The following ARVCF variants were observed in gnomAD, a reference collection of about 807,000 sequenced individuals.
ARVCF encodes the protein splicing regulator ARVCF.
Under a neutral mutation model 90.9 loss-of-function variants are expected in ARVCF, and 66 were observed. The ratio of observed to expected loss-of-function variants is 0.73; its 90% CI spans 0.60 to 0.89. The LOEUF (loss-of-function observed/expected upper bound fraction) is 0.89, where lower values mean the gene tolerates loss of function less well. ARVCF is among the 40% of genes least tolerant of loss of function. The probability of loss-of-function intolerance (pLI) is 0.00; values close to 1 mark genes in which losing one functional copy is unlikely to be tolerated. For missense variants in ARVCF, 1,469 were observed against 1,382.3 expected, an observed-to-expected ratio of 1.06 and a Z score of -1.00; for synonymous variants, 653 against 603.4, an observed-to-expected ratio of 1.08 and a Z score of -1.21.
intron 6 of ARVCF, 93 bp from the exon 7 acceptor site, chr22:19,979,173 C>T: frequency 2.2e-6 from 3 of 1,343,482 alleles, no homozygotes; most frequent in Non-Finnish European, 2.1e-6. Flanking sequence ...CCACTCTCCT[C>T]ATGTCCCAGC....
At chr22:20,012,010 T>C (rs954602181) in intron 1 of ARVCF, among the ~76,000 whole-genome samples, 3 of 151,656 alleles carry the variant, frequency 2.0e-5, no homozygotes, top group African/African-American at 7.3e-5. Flanking sequence ...ATGGAGAAAC[T>C]GGGTCCCAGC....
At chr22:19,969,362 T>A (rs35478083), downstream of ARVCF, 1 of 153,312 alleles carries the variant, frequency 6.5e-6, no homozygotes, top group South Asian at 2.0e-4. Flanking sequence ...CTGGGCCCCA[T>A]GTGGCACAGA....
At chr22:19,985,149 T>C (rs1943698567) in intron 3 of ARVCF, among the ~76,000 whole-genome samples, 1 of 152,166 alleles carries the variant, frequency 6.6e-6, no homozygotes, top group Non-Finnish European at 1.5e-5. Context: ...ACATGGGCTC[T>C]ACCCTGAACA....
Position 19,970,583 on chromosome 22 carries a change from G to A in ARVCF, c.*173C>T. On this transcript the variant is annotated 3_prime_UTR_variant, in exon 20 of 20. Transcript: ENST00000263207. Reference sequence around the variant, plus strand: ...GGGAGTTAGGTAGGATGGGGGGAGTGGGGTGGGGGGGCAGGAGGGTGTCCC... The same window carrying A: ...GGGAGTTAGGTAGGATGGGGGGAGTAGGGTGGGGGGGCAGGAGGGTGTCCC... 8.1e-7 allele frequency: 1 copy of A among 1,235,014 alleles called. No homozygotes were observed. The highest frequency in any genetic ancestry group is 1.0e-6 in the Non-Finnish European group (1 of 963,292). The allele number at this position is 1,235,014 out of a possible 1,614,324, so 76.5% of individuals were successfully genotyped here.
intron 3 of ARVCF, among the ~76,000 whole-genome samples, chr22:19,982,388 A>C (rs2146323438): frequency 6.6e-6 from 1 of 152,194 alleles, no homozygotes; most frequent in Admixed American, 6.5e-5. Context: ...GCAGATAAGG[A>C]CATAGACCCT....
In ARVCF at chr22:19,973,014, C is replaced by T. The variant is rs142366894; in HGVS notation, c.2461G>A (p.Ala821Thr). Residue 821 changes from alanine to threonine, a missense_variant, in exon 15 of 20, where the codon GCG (alanine) becomes ACG (threonine). Physicochemically the swap from Ala to Thr is moderately conservative, Grantham distance 58. Transcript: ENST00000263207. ...ASSQSVREAKAASHVLQTVWS... is the reference protein window; with the variant it reads ...ASSQSVREAKTASHVLQTVWS... Reference sequence around the variant, plus strand: ...ACTGTCTGCAGCACGTGTGACGCCGCCTTCGCTTCGCGTACCGATTGGCTG... The same window carrying T: ...ACTGTCTGCAGCACGTGTGACGCCGTCTTCGCTTCGCGTACCGATTGGCTG... The T allele has an allele frequency of 3.7e-6, 6 of 1,613,378 alleles. No individual in the cohort carries two copies. The African/African-American group carries it at 8.0e-5, about 21-fold the overall frequency.
intron 1 of ARVCF, among the ~76,000 whole-genome samples, 194 bp from the exon 2 acceptor site, chr22:20,010,702 G>C (rs894162004): frequency 1.3e-5 from 2 of 152,220 alleles, no homozygotes; most frequent in African/African-American, 4.8e-5. Context: ...CAGGACTGTA[G>C]GTGACACTGG....
intron 16 of ARVCF, 73 bp downstream of exon 16, chr22:19,972,664 C>G: frequency 6.8e-7 from 1 of 1,474,384 alleles, no homozygotes; most frequent in Non-Finnish European, 9.1e-7. Context: ...CCTCCTTCAC[C>G]TTCACCCAAG....
At chr22:20,001,967 T>TGACAAGAGGATGGTAGGAGCCAC (rs1944461616) in intron 2 of ARVCF, among the ~76,000 whole-genome samples, 1 of 151,922 alleles carries the variant, frequency 6.6e-6, no homozygotes, top group Non-Finnish European at 1.5e-5. Flanking sequence ...ACAGGAGAGA[T>TGACAAGAGGATGGTAGGAGCCAC]GACAAGAGGA....
chr22:19,966,998 T>C (rs1942435603), downstream of ARVCF: 7 of 985,460 alleles, frequency 7.1e-6, no homozygotes, highest in Non-Finnish European at 8.4e-6. Context: ...CCAGGTGGTC[T>C]GAGTAGCTGG....
chr22:19,990,603 C>T lies in ARVCF; in HGVS notation c.192G>A (p.Trp64Ter). ...CTGTTACCTGGAGGACCAGCTGTTG[C>T]CAGGCCATTGGCAGGGGCTGCCCAC... is the stretch of plus-strand genomic sequence containing the variant. ...MGSGQPLPMA[W>*]QQLVLQEQSP... Residue 64 changes from tryptophan to a stop codon, truncating the protein, a stop_gained, in exon 3 of 20, where the codon TGG (tryptophan) becomes TGA (stop). Coordinates refer to ENST00000263207, the MANE Select transcript of ARVCF (RefSeq NM_001670.3). LOFTEE classifies it high-confidence loss of function. 1.2e-6 allele frequency: 2 copies of T among 1,609,036 alleles called. No homozygotes were observed. The highest frequency in any genetic ancestry group is 1.7e-6 in the Non-Finnish European group (2 of 1,177,850).
chr22:19,973,498 G>A (rs1181639017), intron 13 of ARVCF, 145 bp downstream of exon 13: 5 of 1,403,384 alleles, frequency 3.6e-6, no homozygotes, highest in Non-Finnish European at 4.7e-6. Context: ...GGGGGGACTG[G>A]AGCTACCTCC....
At chr22:20,011,458 G>A (rs1427193229) in intron 1 of ARVCF, among the ~76,000 whole-genome samples, 1 of 152,050 alleles carries the variant, frequency 6.6e-6, no homozygotes, top group Admixed American at 6.5e-5. Context: ...TGTGGTCATG[G>A]TCCATTCTGG....
chr22:19,971,179 G>A, intron 19 of ARVCF, 37 bp downstream of exon 19: 3 of 1,551,274 alleles, frequency 1.9e-6, no homozygotes, highest in Non-Finnish European at 2.6e-6. Flanking sequence ...CCAGAGGGCA[G>A]GAACAGGTGG....
Position 19,973,559 on chromosome 22 carries a change from C to T in ARVCF, c.2239+84G>A, listed in dbSNP as rs1037365313. ...GGCCGGGGCCTGGACTCCCAAACCA[C>T]TCATCCTCCAAGCCCCTCCGATGGG... On this transcript the variant is annotated intron_variant, in intron 13 of 19. Coordinates refer to ENST00000263207, the MANE Select transcript of ARVCF (RefSeq NM_001670.3). The T allele has an allele frequency of 9.2e-6, 14 of 1,525,236 alleles. No individual in the cohort carries two copies. In the African/African-American group the frequency reaches 1.2e-4, roughly 13 times the overall value. The allele number at this position is 1,525,236 out of a possible 1,614,324, so 94.5% of individuals were successfully genotyped here. A position where few individuals can be genotyped will look rare whatever the true frequency, so the allele number is the denominator to read the frequency against.
At chr22:19,990,032 C>A (rs1448440371) in intron 3 of ARVCF, among the ~76,000 whole-genome samples, 1 of 152,224 alleles carries the variant, frequency 6.6e-6, no homozygotes, top group Non-Finnish European at 1.5e-5. Flanking sequence ...TCCCAGTGGT[C>A]TAACTGCTCA....
At chr22:19,991,374 C>G (rs890028464) in intron 2 of ARVCF, among the ~76,000 whole-genome samples, 2 of 152,376 alleles carry the variant, frequency 1.3e-5, no homozygotes, top group South Asian at 4.1e-4. Flanking sequence ...GAGCTCCTGG[C>G]AACACTGGTC....
Position 19,982,202 on chromosome 22 carries a change from G to A in ARVCF, c.211-111C>T, listed in dbSNP as rs17173678. 0.047 allele frequency: 67,983 copies of A among 1,442,046 alleles called. 1,849 individuals are homozygous for A. The highest frequency in any genetic ancestry group is 0.094 in the South Asian group (6,976 of 74,588). The allele number at this position is 1,442,046 out of a possible 1,614,324, so 89.3% of individuals were successfully genotyped here. A position where few individuals can be genotyped will look rare whatever the true frequency, so the allele number is the denominator to read the frequency against. ...AGCTCATGCTGGCCAGCACACCAGG[G>A]TGCCTTCCTCCTGGTCCTGAACCCA... On this transcript the variant is annotated intron_variant, in intron 3 of 19. Coordinates refer to ENST00000263207, the MANE Select transcript of ARVCF (RefSeq NM_001670.3).
At chr22:19,996,776 A>G (rs1421549852) in intron 2 of ARVCF, among the ~76,000 whole-genome samples, 2 of 152,094 alleles carry the variant, frequency 1.3e-5, no homozygotes, top group Non-Finnish European at 2.9e-5. Flanking sequence ...GAGGCCAGGG[A>G]CCAATCTCCC....
Sources: allele counts gnomAD v4.1 joint callset (sites outside exome capture counted in the v4.1 genomes callset), GRCh38; gene constraint gnomAD v4.1.1; transcripts MANE v1.5; gene names NCBI Gene and HGNC (gene_info 2026-07-23, HGNC 2026-07-21).